CBFA2T3: variants seen among roughly 807,000 people sequenced by gnomAD.
CBFA2T3 encodes transcriptional corepressor CBFA2T3.
A neutral mutation model predicts 58.6 loss-of-function variants in CBFA2T3; 31 were observed. That is an observed-to-expected ratio of 0.53 (90% CI 0.40 to 0.71). The LOEUF (loss-of-function observed/expected upper bound fraction) is 0.71. CBFA2T3 is among the 30% of genes least tolerant of loss of function. The pLI is 0.00. For synonymous variants in CBFA2T3, 531 were observed against 421.9 expected (o/e 1.26, Z -3.17); for missense variants, 1,076 against 963.1 (o/e 1.12, Z -1.55).
intron 1 of CBFA2T3, among the ~76,000 whole-genome samples, chr16:88,925,321 G>A (rs1431478543): frequency 6.6e-6 from 1 of 152,232 alleles, no homozygotes; most frequent in African/African-American, 2.4e-5. Flanking sequence ...CTGCTCTGCT[G>A]CTCCCTCCTG....
chr16:88,912,667 G>A (rs536747096), intron 1 of CBFA2T3, among the ~76,000 whole-genome samples: 7 of 152,332 alleles, frequency 4.6e-5, no homozygotes, highest in African/African-American at 1.2e-4. Flanking sequence ...GCCCTGAACA[G>A]CACCTGGCAC....
chr16:88,897,037 C>T (rs1258854376), intron 3 of CBFA2T3, among the ~76,000 whole-genome samples: 1 of 152,256 alleles, frequency 6.6e-6, no homozygotes, highest in East Asian at 1.9e-4. Flanking sequence ...ACGCGAGCAC[C>T]CCCGCGGCTC....
At chr16:88,916,379 TG>T (rs1309156980) in intron 1 of CBFA2T3, among the ~76,000 whole-genome samples, 4 of 152,088 alleles carry the variant, frequency 2.6e-5, no homozygotes, top group South Asian at 2.1e-4. Context: ...TACACATACA[TG>T]GGGGTGTATG....
rs1351719896 is a variant in CBFA2T3, at chr16:88,920,660, C to T, written c.152-19004G>A. Reference sequence around the variant, plus strand: ...ATGGTGACGGAGTGGCAGGAGGCCCCACCACGCAATGCCAAAGGCACCAAA... The same window carrying T: ...ATGGTGACGGAGTGGCAGGAGGCCCTACCACGCAATGCCAAAGGCACCAAA... On this transcript the variant is annotated intron_variant, in intron 1 of 11. Transcript: ENST00000268679. Among the ~76,000 whole-genome samples the T allele has an allele frequency of 2.0e-5, 3 of 152,220 alleles. No individual in the cohort carries two copies. In the East Asian group the frequency reaches 5.8e-4, roughly 29 times the overall value.
intron 1 of CBFA2T3, among the ~76,000 whole-genome samples, chr16:88,909,944 G>A (rs1376005532): frequency 6.6e-6 from 1 of 152,200 alleles, no homozygotes; most frequent in Admixed American, 6.5e-5. Flanking sequence ...GAACCAGAGG[G>A]ACGAGCCACC....
chr16:88,903,126 C>T (rs922468952), intron 1 of CBFA2T3, among the ~76,000 whole-genome samples: 3 of 152,284 alleles, frequency 2.0e-5, no homozygotes, highest in Admixed American at 6.5e-5. Context: ...CCAGCACCAT[C>T]GTCAGACGGA....
intron 5 of CBFA2T3, among the ~76,000 whole-genome samples, chr16:88,891,521 C>T (rs922168316): frequency 1.3e-5 from 2 of 152,206 alleles, no homozygotes; most frequent in Middle Eastern, 3.2e-3. Flanking sequence ...CACACTGGCA[C>T]GTCGTCAGTG....
chr16:88,921,986 C>A (rs907527520), intron 1 of CBFA2T3, among the ~76,000 whole-genome samples: 4 of 152,278 alleles, frequency 2.6e-5, no homozygotes, highest in African/African-American at 9.6e-5. Flanking sequence ...CCCACACAAG[C>A]AACTGCCTGT....
intron 1 of CBFA2T3, among the ~76,000 whole-genome samples, chr16:88,962,276 T>TACTC (rs1196227612): frequency 3.9e-4 from 60 of 152,318 alleles, no homozygotes; most frequent in African/African-American, 1.4e-3. Context: ...TAGTAACTGA[T>TACTC]ACTCAGCACT....
intron 1 of CBFA2T3, among the ~76,000 whole-genome samples, chr16:88,904,339 G>A (rs1406843675): frequency 6.6e-6 from 1 of 152,088 alleles, no homozygotes; most frequent in East Asian, 1.9e-4. Flanking sequence ...CTCTGCGGCT[G>A]ATGCTGCCAT....
At chr16:88,948,537 G>A (rs1047391419) in intron 1 of CBFA2T3, among the ~76,000 whole-genome samples, 1 of 152,240 alleles carries the variant, frequency 6.6e-6, no homozygotes, top group East Asian at 1.9e-4. Flanking sequence ...AGGCAGGGAG[G>A]AACCCTAAAG....
rs573187540 is a variant in CBFA2T3 at position 88,884,797 on chromosome 16, A to G, written c.1117+249T>C. ...TGGGAATCGCCAAGCTCGGATGAGAACCACGTGGGCAGTTCCAGGCCCGAG... is the reference window on the plus strand; with the variant it reads ...TGGGAATCGCCAAGCTCGGATGAGAGCCACGTGGGCAGTTCCAGGCCCGAG... On this transcript the variant is annotated intron_variant, in intron 7 of 11. Transcript: ENST00000268679. The G allele has an allele frequency of 7.0e-5, 30 of 428,406 alleles. No individual in the cohort carries two copies. In the South Asian group the frequency reaches 1.1e-3, roughly 16 times the overall value. 26.5% of individuals were successfully genotyped at this position (428,406 alleles called of 1,614,324 possible).
chr16:88,925,013 G>C (rs938300267), intron 1 of CBFA2T3, among the ~76,000 whole-genome samples: 1 of 152,222 alleles, frequency 6.6e-6, no homozygotes, highest in Non-Finnish European at 1.5e-5. Context: ...CCAAGCCCAG[G>C]GCTTGCTGTG....
chr16:88,905,211 C>T (rs1312392343), intron 1 of CBFA2T3, among the ~76,000 whole-genome samples: 1 of 152,044 alleles, frequency 6.6e-6, no homozygotes, highest in African/African-American at 2.4e-5. Flanking sequence ...GGCACATCGT[C>T]TCTCTCCTGC....
rs766247590 is a variant in CBFA2T3, at chr16:88,881,275, C to A, written c.1402+16G>T. On this transcript the variant is annotated intron_variant, in intron 9 of 11. Coordinates refer to ENST00000268679, the MANE Select transcript of CBFA2T3 (RefSeq NM_005187.6). ...GCACCCCGTGTCTGCTCCCTCCCCC[C>A]ACACCCCACACGCACCTAGCTGAGG... 67 of 1,595,022 alleles carry A rather than the reference C, an allele frequency of 4.2e-5. No individual in the cohort carries two copies. Among genetic ancestry groups the A allele is most frequent in the East Asian group, 2.2e-4 (10 of 44,648 alleles).
At chr16:88,956,433 T>TC (rs1460710194) in intron 1 of CBFA2T3, among the ~76,000 whole-genome samples, 1 of 152,154 alleles carries the variant, frequency 6.6e-6, no homozygotes, top group Non-Finnish European at 1.5e-5. Flanking sequence ...ATGACCCTGC[T>TC]CCCCCAGGCT....
At position 88,879,368 on chromosome 16, in the gene CBFA2T3, T is replaced by C; in HGVS notation, c.1564A>G (p.Thr522Ala). 1 of 1,612,980 alleles carries C rather than the reference T, an allele frequency of 6.2e-7. No homozygotes were observed. Among genetic ancestry groups the C allele is most frequent in the Non-Finnish European group, 8.5e-7 (1 of 1,179,814 alleles). Residue 522 changes from threonine (T) to alanine (A), a missense_variant, in exon 11 of 12, where the codon ACG becomes GCG. By Grantham distance (58) the Thr-to-Ala change is moderately conservative. Coordinates refer to ENST00000268679, the MANE Select transcript of CBFA2T3 (RefSeq NM_005187.6). ...GCCCGCTCCATCTTGGCACGCTCCG[T>C]GGTGATGAGCTCGTGCGCTTTGCGC... ...AERKAHELIT[T>A]ERAKMERALA...
At chr16:88,968,946 C>G (rs1171592870) in intron 1 of CBFA2T3, among the ~76,000 whole-genome samples, 2 of 152,190 alleles carry the variant, frequency 1.3e-5, no homozygotes, top group Non-Finnish European at 2.9e-5. Context: ...CGCTGCAGGC[C>G]TCACACAAAT....
At chr16:88,968,997 G>A (rs1379158505) in intron 1 of CBFA2T3, among the ~76,000 whole-genome samples, 1 of 152,216 alleles carries the variant, frequency 6.6e-6, no homozygotes, top group Non-Finnish European at 1.5e-5. Context: ...AAATCTGGGA[G>A]CCCAGCCAGA....
Sources: allele counts gnomAD v4.1 joint callset (sites outside exome capture counted in the v4.1 genomes callset), GRCh38; gene constraint gnomAD v4.1.1; transcripts MANE v1.5; gene names NCBI Gene and HGNC (gene_info 2026-07-23, HGNC 2026-07-21).